The following DNMBP variants were observed in gnomAD, a reference collection of about 807,000 sequenced individuals.
The protein encoded by DNMBP is dynamin binding protein.
A neutral mutation model predicts 150.0 loss-of-function variants in DNMBP; 87 were observed. The ratio of observed to expected loss-of-function variants is 0.58; its 90% CI spans 0.49 to 0.69. DNMBP has a LOEUF of 0.69. Ranked by LOEUF, DNMBP falls within the 30% of genes least tolerant of loss-of-function variation. DNMBP has a pLI of 0.00. For synonymous variants in DNMBP, 711 were observed against 750.4 expected, an observed-to-expected ratio of 0.95 and a Z score of 0.86; for missense variants, 1,774 against 1,949.0, an observed-to-expected ratio of 0.91 and a Z score of 1.69.
chr10:99,962,120 A>G (rs1489332803), intron 3 of DNMBP, among the ~76,000 whole-genome samples: 2 of 152,136 alleles, frequency 1.3e-5, no homozygotes, highest in African/African-American at 4.8e-5. Flanking sequence ...AGCCTAGAAA[A>G]GAAATTATTG....
intron 14 of DNMBP, among the ~76,000 whole-genome samples, chr10:99,884,974 T>C (rs1483501336): frequency 6.6e-6 from 1 of 152,126 alleles, no homozygotes. Flanking sequence ...GCAAAAATAT[T>C]GTAAGCAAAG....
At chr10:99,885,999 C>T in intron 13 of DNMBP, 133 bp from the exon 14 acceptor site, 1 of 934,422 alleles carries the variant, frequency 1.1e-6, no homozygotes, top group Non-Finnish European at 1.6e-6. Flanking sequence ...TAAAGTTCAG[C>T]TGCAGCTCAT....
intron 11 of DNMBP, among the ~76,000 whole-genome samples, chr10:99,890,845 C>A (rs947100507): frequency 6.6e-6 from 1 of 152,116 alleles, no homozygotes; most frequent in African/African-American, 2.4e-5. Context: ...CAGGGTTTCA[C>A]CACGTTGGCC....
chr10:99,893,421 T>C (rs1216705844), intron 11 of DNMBP, among the ~76,000 whole-genome samples: 7 of 152,230 alleles, frequency 4.6e-5, no homozygotes, highest in East Asian at 1.9e-4. Flanking sequence ...TCCACAGTGA[T>C]ATACTACGCA....
At chr10:99,908,535 GAA>G (rs2039854608) in intron 5 of DNMBP, among the ~76,000 whole-genome samples, 1 of 152,192 alleles carries the variant, frequency 6.6e-6, no homozygotes, top group Non-Finnish European at 1.5e-5. Context: ...CCAGCATCTA[GAA>G]AAGTCCCTAG....
At chr10:99,981,424 T>A (rs2040779084) in intron 1 of DNMBP, among the ~76,000 whole-genome samples, 2 of 152,182 alleles carry the variant, frequency 1.3e-5, no homozygotes, top group African/African-American at 4.8e-5. Flanking sequence ...TCAAGTGATC[T>A]GCCCGCCTTG....
At chr10:99,941,334 C>T (rs775403334) in intron 4 of DNMBP, among the ~76,000 whole-genome samples, 34 of 152,176 alleles carry the variant, frequency 2.2e-4, no homozygotes, top group Non-Finnish European at 3.8e-4. Flanking sequence ...TTCTCCTATA[C>T]GCCCAATTAA....
intron 1 of DNMBP, among the ~76,000 whole-genome samples, chr10:99,980,758 T>G (rs1247403965): frequency 8.7e-6 from 1 of 115,392 alleles, no homozygotes; most frequent in African/African-American, 4.1e-5. Flanking sequence ...TGAACAGTGT[T>G]TGTGCCACTC....
At chr10:99,926,811 C>G (rs1004514987) in intron 4 of DNMBP, among the ~76,000 whole-genome samples, 1 of 152,184 alleles carries the variant, frequency 6.6e-6, no homozygotes, top group African/African-American at 2.4e-5. Context: ...AAGAGCCCAG[C>G]AGATAGATCT....
At chr10:99,931,193 G>A (rs1197862877) in intron 4 of DNMBP, among the ~76,000 whole-genome samples, 3 of 152,232 alleles carry the variant, frequency 2.0e-5, no homozygotes, top group Admixed American at 6.5e-5. Flanking sequence ...AGTCTCCCCC[G>A]CCTCTTTAAT....
chr10:99,935,087 C>CAAAAAAA (rs71009790), intron 4 of DNMBP, among the ~76,000 whole-genome samples: 63 of 48,506 alleles, frequency 1.3e-3, no homozygotes, highest in African/African-American at 2.7e-3. Flanking sequence ...CCTGTCTCCA[C>CAAAAAAA]AAAAAAAAAA....
chr10:99,982,072 G>A (rs188035582), intron 1 of DNMBP, among the ~76,000 whole-genome samples: 12 of 152,258 alleles, frequency 7.9e-5, no homozygotes, highest in Non-Finnish European at 1.8e-4. Context: ...CAATTTGAGT[G>A]TGCCTTCTGT....
chr10:99,985,941 G>A (rs1427432668), intron 1 of DNMBP, among the ~76,000 whole-genome samples: 2 of 151,992 alleles, frequency 1.3e-5, no homozygotes, highest in Non-Finnish European at 2.9e-5. Context: ...TTGTAGAGAC[G>A]GGTTTCATCA....
chr10:99,887,092 CATTTT>C (rs2039479371), intron 12 of DNMBP, among the ~76,000 whole-genome samples: 1 of 143,636 alleles, frequency 7.0e-6, no homozygotes, highest in Non-Finnish European at 1.5e-5. Flanking sequence ...AGGTAATACC[CATTTT>C]TTTTTTTTTG....
intron 11 of DNMBP, among the ~76,000 whole-genome samples, chr10:99,891,588 C>G (rs1473843831): frequency 6.6e-6 from 1 of 151,832 alleles, no homozygotes; most frequent in Non-Finnish European, 1.5e-5. Context: ...CTCTGCCCGG[C>G]CGCCACCCCG....
intron 4 of DNMBP, among the ~76,000 whole-genome samples, chr10:99,933,869 T>C (rs948674711): frequency 6.6e-6 from 1 of 152,196 alleles, no homozygotes; most frequent in African/African-American, 2.4e-5. Flanking sequence ...CCGCAGCAGC[T>C]GGGACTACAG....
chr10:99,929,979 T>A lies in DNMBP; in HGVS notation c.2261-20833A>T, dbSNP rs185416534. 1.2e-3 allele frequency: 871 copies of A among 702,952 alleles called. 1 individual carries two copies. Among genetic ancestry groups the A allele is most frequent in the Non-Finnish European group, 2.0e-3 (752 of 384,982 alleles). 43.5% of individuals were successfully genotyped at this position (702,952 alleles called of 1,614,324 possible). On this transcript the variant is annotated intron_variant, in intron 4 of 16. Transcript: ENST00000324109. The stretch of plus-strand genomic sequence containing the variant: ...AGCATCATAGCCTTTATTTTCTGTA[T>A]CAAAATCACCCTGATCCATAATATG...
Position 99,893,551 on chromosome 10 carries a change from T to G in DNMBP, c.3156+1395A>C, listed in dbSNP as rs528603293. Among the ~76,000 whole-genome samples, 3 of 152,228 alleles carry G rather than the reference T, an allele frequency of 2.0e-5. No homozygotes were observed. The South Asian group carries it at 6.2e-4, about 32-fold the overall frequency. On this transcript the variant is annotated intron_variant, in intron 11 of 16. Transcript: ENST00000324109. The stretch of plus-strand genomic sequence containing the variant: ...GAGATCGACACCATCCTGGCCAACA[T>G]GATGACACCCCGTCTCTATTAAAAA...
rs1242853280 is a variant in DNMBP, at chr10:99,886,447, A to G, written c.3471T>C (p.Tyr1157=). 1.2e-6 allele frequency: 2 copies of G among 1,614,198 alleles called. No individual in the cohort carries two copies. The highest frequency in any genetic ancestry group is 1.7e-6 in the Non-Finnish European group (2 of 1,180,038). ...LEELQSARNN[Y]EALNAQLLDE... ...CCAGCAGCTGTGCATTCAGGGCCTC[A>G]TAGTTGTTCCGGGCCGACTGCAGCT... is the stretch of plus-strand genomic sequence containing the variant. Residue 1157 remains tyrosine, a synonymous_variant, in exon 13 of 17, where the codon TAT becomes TAC. Coordinates refer to ENST00000324109, the MANE Select transcript of DNMBP (RefSeq NM_015221.4).
Sources: allele counts gnomAD v4.1 joint callset (sites outside exome capture counted in the v4.1 genomes callset), GRCh38; gene constraint gnomAD v4.1.1; transcripts MANE v1.5; gene names NCBI Gene and HGNC (gene_info 2026-07-23, HGNC 2026-07-21).